Variants in NPAS3 observed in about 807,000 individuals in gnomAD.
NPAS3 encodes the protein neuronal PAS domain-containing protein 3.
In NPAS3, 14 loss-of-function variants were observed where a neutral mutation model predicts 73.1. The observed-to-expected ratio is 0.19, with a 90% CI of 0.13 to 0.30. The LOEUF (loss-of-function observed/expected upper bound fraction) is 0.30, where lower values mean the gene tolerates loss of function less well. NPAS3 is among the 10% of genes least tolerant of loss of function. The pLI, the probability that NPAS3 is intolerant of heterozygous loss-of-function variation, is 1.00. For synonymous variants in NPAS3, 620 were observed against 541.5 expected (o/e 1.14, Z -2.01); for missense variants, 1,096 against 1,250.0 (o/e 0.88, Z 1.86).
chr14:32,992,304 A>G (rs1000347977), intron 1 of NPAS3, among the ~76,000 whole-genome samples: 4 of 152,214 alleles, frequency 2.6e-5, no homozygotes, highest in African/African-American at 9.6e-5. Flanking sequence ...GTCATTAGGT[A>G]GTAAATTTTG....
At chr14:33,210,471 T>A (rs557960173) in intron 2 of NPAS3, among the ~76,000 whole-genome samples, 1 of 152,302 alleles carries the variant, frequency 6.6e-6, no homozygotes, top group South Asian at 2.1e-4. Flanking sequence ...CTGTGCAGCT[T>A]CCCCACTTCT....
intron 4 of NPAS3, among the ~76,000 whole-genome samples, chr14:33,451,413 A>G (rs1018185716): frequency 1.9e-4 from 29 of 152,192 alleles, no homozygotes; most frequent in African/African-American, 5.3e-4. Flanking sequence ...TATTTGTAGA[A>G]TGTTGACAGT....
intron 3 of NPAS3, among the ~76,000 whole-genome samples, chr14:33,249,128 G>C (rs2048488066): frequency 6.6e-6 from 1 of 152,076 alleles, no homozygotes; most frequent in African/African-American, 2.4e-5. Flanking sequence ...AATCTTTATA[G>C]AGACTGTTAA....
At chr14:33,393,403 T>C (rs2047089262) in intron 4 of NPAS3, among the ~76,000 whole-genome samples, 1 of 152,182 alleles carries the variant, frequency 6.6e-6, no homozygotes, top group Admixed American at 6.5e-5. Flanking sequence ...GGAGAGTCAT[T>C]ACTCACAACT....
At chr14:33,104,435 G>T (rs2042663466) in intron 2 of NPAS3, among the ~76,000 whole-genome samples, 1 of 152,216 alleles carries the variant, frequency 6.6e-6, no homozygotes, top group African/African-American at 2.4e-5. Context: ...ACTGTAGTGA[G>T]TTGTAGAAAT....
chr14:33,627,812 T>C (rs2058263700), intron 5 of NPAS3, among the ~76,000 whole-genome samples: 1 of 152,264 alleles, frequency 6.6e-6, no homozygotes, highest in Admixed American at 6.5e-5. Flanking sequence ...GGATGTGCTG[T>C]GTTCCACAGG....
intron 5 of NPAS3, among the ~76,000 whole-genome samples, chr14:33,621,462 A>T (rs1262421567): frequency 6.6e-6 from 1 of 152,090 alleles, no homozygotes; most frequent in Non-Finnish European, 1.5e-5. Flanking sequence ...GCGTATATTT[A>T]AAAATTATTT....
chr14:32,984,966 A>G (rs1273459848), intron 1 of NPAS3, among the ~76,000 whole-genome samples: 1 of 152,160 alleles, frequency 6.6e-6, no homozygotes, highest in Non-Finnish European at 1.5e-5. Context: ...TTCTGACTTG[A>G]TATCTATGTT....
At chr14:33,069,087 T>G (rs1833875640) in intron 2 of NPAS3, among the ~76,000 whole-genome samples, 1 of 152,086 alleles carries the variant, frequency 6.6e-6, no homozygotes, top group Non-Finnish European at 1.5e-5. Flanking sequence ...GGGCTGAGGG[T>G]GGAAGCAGGG....
chr14:33,009,270 C>G (rs1350274004), intron 1 of NPAS3, among the ~76,000 whole-genome samples: 3 of 152,156 alleles, frequency 2.0e-5, no homozygotes, highest in Non-Finnish European at 4.4e-5. Flanking sequence ...CAAAAGACAT[C>G]ATAGTTTTAG....
intron 4 of NPAS3, among the ~76,000 whole-genome samples, chr14:33,498,935 AGTGT>A (rs3058422): frequency 0.1 from 9,517 of 94,344 alleles, 303 homozygotes; most frequent in Admixed American, 0.14. Context: ...ACAGAGAGAG[AGTGT>A]GTGTGTGTGT....
At chr14:33,175,208 G>T (rs1036079799) in intron 2 of NPAS3, among the ~76,000 whole-genome samples, 1 of 152,048 alleles carries the variant, frequency 6.6e-6, no homozygotes, top group Non-Finnish European at 1.5e-5. Flanking sequence ...CTTGTATAAG[G>T]TTATACCAAA....
intron 1 of NPAS3, among the ~76,000 whole-genome samples, chr14:32,987,651 C>T (rs2038151620): frequency 6.6e-6 from 1 of 151,926 alleles, no homozygotes; most frequent in Non-Finnish European, 1.5e-5. Context: ...ACAGTAACAA[C>T]AATTGGACAG....
chr14:33,747,599 C>T (rs918433520), intron 7 of NPAS3, among the ~76,000 whole-genome samples: 1 of 152,208 alleles, frequency 6.6e-6, no homozygotes, highest in Non-Finnish European at 1.5e-5. Context: ...GTAGTTACAT[C>T]TAGGGAAGAA....
At chr14:33,252,901 A>G (rs150854128) in intron 3 of NPAS3, among the ~76,000 whole-genome samples, 44 of 151,968 alleles carry the variant, frequency 2.9e-4, no homozygotes, top group African/African-American at 1.0e-3. Context: ...ATTTGACTTT[A>G]TATTTCTGAG....
At chr14:33,370,655 A>T (rs1050168629) in intron 4 of NPAS3, among the ~76,000 whole-genome samples, 1 of 152,170 alleles carries the variant, frequency 6.6e-6, no homozygotes, top group Non-Finnish European at 1.5e-5. Flanking sequence ...AGATACTGAT[A>T]TAAAGAGACC....
chr14:33,544,065 G>T (rs1285167351), intron 4 of NPAS3, among the ~76,000 whole-genome samples: 1 of 139,580 alleles, frequency 7.2e-6, no homozygotes, highest in Non-Finnish European at 1.6e-5. Flanking sequence ...TTCTCCCAGG[G>T]TCTGGCACAG....
At chr14:33,016,201 G>A (rs901755248) in intron 1 of NPAS3, among the ~76,000 whole-genome samples, 9 of 152,068 alleles carry the variant, frequency 5.9e-5, no homozygotes, top group Non-Finnish European at 1.0e-4. Flanking sequence ...TGAAGACTGT[G>A]TATAGCTAGA....
intron 6 of NPAS3, among the ~76,000 whole-genome samples, chr14:33,717,103 A>C (rs191011276): frequency 3.6e-4 from 55 of 150,992 alleles, no homozygotes; most frequent in African/African-American, 1.3e-3. Context: ...TGATGTTGTT[A>C]GAAGGGGTTT....
Sources: gnomAD v4.1 joint callset for allele counts (sites outside exome capture counted in the v4.1 genomes callset) on GRCh38, gnomAD v4.1.1 for gene constraint, MANE v1.5 for transcripts, NCBI Gene and HGNC (gene_info 2026-07-23, HGNC 2026-07-21) for gene names.